The following KIRREL3 variants were observed in gnomAD, a reference collection of about 807,000 sequenced individuals.
KIRREL3 encodes the protein kirre like nephrin family adhesion molecule 3.
In KIRREL3, 36 loss-of-function variants were observed where a neutral mutation model predicts 89.7. The observed-to-expected ratio is 0.40, with a 90% CI of 0.31 to 0.53. KIRREL3 has a LOEUF of 0.53. Ranked by LOEUF, KIRREL3 falls within the 20% of genes least tolerant of loss-of-function variation. KIRREL3 has a pLI of 0.49. For synonymous variants in KIRREL3, 445 were observed against 441.4 expected, an observed-to-expected ratio of 1.01 and a Z score of -0.10; for missense variants, 864 against 1,056.6, an observed-to-expected ratio of 0.82 and a Z score of 2.53.
intron 1 of KIRREL3, among the ~76,000 whole-genome samples, chr11:126,591,675 C>T (rs1386210152): frequency 6.6e-6 from 1 of 152,160 alleles, no homozygotes; most frequent in Non-Finnish European, 1.5e-5. Flanking sequence ...TCCTGAAGGC[C>T]TGAACTGGGT....
At chr11:126,456,923 G>A (rs944715179) in intron 6 of KIRREL3, among the ~76,000 whole-genome samples, 1 of 152,186 alleles carries the variant, frequency 6.6e-6, no homozygotes, top group Non-Finnish European at 1.5e-5. Context: ...CCTTTCATCA[G>A]CCTAATCATC....
rs903869750 is a variant in KIRREL3 at position 126,501,822 on chromosome 11, T to C, written c.433+19493A>G. Among the ~76,000 whole-genome samples, 1 of 152,114 alleles carries C rather than the reference T, an allele frequency of 6.6e-6. No individual in the cohort carries two copies. Among genetic ancestry groups the C allele is most frequent in the Non-Finnish European group, 1.5e-5 (1 of 68,016 alleles). ...ACCCCCACCCACATTGTGAGCTCCC[T>C]GAAGGCAGGTCCATGTCTGGGGTGG... On this transcript the variant is annotated intron_variant, in intron 4 of 16. Transcript: ENST00000525144. The surrounding 1 kb of genome is among the most constrained non-coding windows in gnomAD (Gnocchi z 5.8).
chr11:126,547,867 G>A lies in KIRREL3; in HGVS notation c.133+14968C>T, dbSNP rs187042422. 1.6e-4 allele frequency among the ~76,000 whole-genome samples: 25 copies of A among 152,316 alleles called. 1 individual carries two copies. The East Asian group carries it at 4.2e-3, about 26-fold the overall frequency. On this transcript the variant is annotated intron_variant, in intron 2 of 16. Transcript: ENST00000525144. ...CCAGACACAAAGCTCCCGAGGCAGG[G>A]TGGAAGTAAGAAGGCCAGGCTTTGG...
chr11:126,506,377 T>A (rs12418395), intron 4 of KIRREL3, among the ~76,000 whole-genome samples: 56,311 of 152,068 alleles, frequency 0.37, 11,379 homozygotes, highest in African/African-American at 0.52. Context: ...ACTTGTATCC[T>A]GGCTATAAAG....
In KIRREL3 at chr11:126,647,235, T is replaced by C. The variant is rs1326841194; in HGVS notation, c.56-84323A>G. Among the ~76,000 whole-genome samples, 1 of 152,198 alleles carries C rather than the reference T, an allele frequency of 6.6e-6. No homozygotes were observed. Among genetic ancestry groups the C allele is most frequent in the East Asian group, 1.9e-4 (1 of 5,192 alleles). ...GCCAGGAGCTATAGAAAGAAAAATC[T>C]CCAAGCCCCAGTGCTTGTCTGCTGG... On this transcript the variant is annotated intron_variant, in intron 1 of 16. Transcript: ENST00000525144. The surrounding 1 kb of genome is among the most constrained non-coding windows in gnomAD (Gnocchi z 4.9).
chr11:126,793,969 T>C (rs1392043391), intron 1 of KIRREL3, among the ~76,000 whole-genome samples: 1 of 152,232 alleles, frequency 6.6e-6, no homozygotes. Context: ...GGTGCATTTC[T>C]AATGGTTGAA....
chr11:126,474,578 C>T lies in KIRREL3; in HGVS notation c.434-1112G>A, dbSNP rs1162424231. Among the ~76,000 whole-genome samples the T allele has an allele frequency of 1.3e-5, 2 of 152,244 alleles. No homozygotes were observed. The highest frequency in any genetic ancestry group is 2.4e-5 in the African/African-American group (1 of 41,466). Reference sequence around the variant, plus strand: ...TCCAGAGCGGCTCCAGCCCCTTCATCCCCAGAGGCAGCCTGATTCTCTCCT... The same window carrying T: ...TCCAGAGCGGCTCCAGCCCCTTCATTCCCAGAGGCAGCCTGATTCTCTCCT... On this transcript the variant is annotated intron_variant, in intron 4 of 16. Coordinates refer to ENST00000525144, the MANE Select transcript of KIRREL3 (RefSeq NM_032531.4). The surrounding 1 kb of genome is among the most constrained non-coding windows in gnomAD (Gnocchi z 6.7).
chr11:126,713,220 G>A (rs534115171), intron 1 of KIRREL3, among the ~76,000 whole-genome samples: 44 of 152,358 alleles, frequency 2.9e-4, no homozygotes, highest in African/African-American at 1.0e-3. Flanking sequence ...GGGATGTGCA[G>A]AAAGGGAGAA....
At position 126,814,374 on chromosome 11, in the gene KIRREL3, C is replaced by T. The variant is rs1951490819; in HGVS notation, c.55+186081G>A. Reference sequence around the variant, plus strand: ...GTTCAACCATTGTGGTCTCAAAGACCTACAGTCAGAAACACCATTTGACCC... The same window carrying T: ...GTTCAACCATTGTGGTCTCAAAGACTTACAGTCAGAAACACCATTTGACCC... On this transcript the variant is annotated intron_variant, in intron 1 of 16. Transcript: ENST00000525144. This position sits in a 1 kb window ranked among gnomAD's most constrained non-coding sequence, Gnocchi z 4.4. Among the ~76,000 whole-genome samples the T allele has an allele frequency of 1.3e-5, 2 of 152,092 alleles. No individual in the cohort carries two copies. Among genetic ancestry groups the T allele is most frequent in the Non-Finnish European group, 2.9e-5 (2 of 68,014 alleles).
At chr11:126,863,429 G>GTT (rs1944782570) in intron 1 of KIRREL3, among the ~76,000 whole-genome samples, 2 of 122,916 alleles carry the variant, frequency 1.6e-5, no homozygotes, top group East Asian at 2.6e-4. Context: ...GCGCATGTGT[G>GTT]TGAGTGCGTG....
chr11:126,431,197 A>G lies in KIRREL3; in HGVS notation c.1696+222T>C. On this transcript the variant is annotated intron_variant, in intron 14 of 16. Transcript: ENST00000525144. This position sits in a 1 kb window ranked among gnomAD's most constrained non-coding sequence, Gnocchi z 7.1. ...GCTGGCTGCCCTGCAGATGAAGTTC[A>G]GTCTAGTCCAGGTCAACCTCAGCCT... The G allele has an allele frequency of 1.4e-6, 2 of 1,470,634 alleles. No homozygotes were observed. Among genetic ancestry groups the G allele is most frequent in the Non-Finnish European group, 1.8e-6 (2 of 1,107,962 alleles). 91.1% of individuals were successfully genotyped at this position (1,470,634 alleles called of 1,614,324 possible).
intron 1 of KIRREL3, among the ~76,000 whole-genome samples, chr11:126,577,808 G>A (rs561207505): frequency 5.3e-5 from 8 of 151,850 alleles, no homozygotes; most frequent in East Asian, 1.9e-4. Context: ...TGGTCTAGAC[G>A]TCATCCTTAC....
chr11:126,654,545 A>C (rs1247406049), intron 1 of KIRREL3, among the ~76,000 whole-genome samples: 1 of 152,112 alleles, frequency 6.6e-6, no homozygotes, highest in Non-Finnish European at 1.5e-5. Context: ...GAGGAAGAGC[A>C]TGTGTAATGT....
At chr11:127,001,030 G>A (rs1950302651), upstream of KIRREL3, 1 of 180,626 alleles carries the variant, frequency 5.5e-6, no homozygotes, top group East Asian at 1.4e-4. Context: ...TTGACCAAAA[G>A]GCATCTTGAG....
At position 126,686,921 on chromosome 11, in the gene KIRREL3, A is replaced by C. The variant is rs555874137; in HGVS notation, c.56-124009T>G. ...AACATAAGAAGGAGTTATCCAGATG[A>C]TAAGAGGGGAAGGAAGGTCACATTG... On this transcript the variant is annotated intron_variant, in intron 1 of 16. Coordinates refer to ENST00000525144, the MANE Select transcript of KIRREL3 (RefSeq NM_032531.4). This position sits in a 1 kb window ranked among gnomAD's most constrained non-coding sequence, Gnocchi z 4.7. Among the ~76,000 whole-genome samples, 1 of 152,310 alleles carries C rather than the reference A, an allele frequency of 6.6e-6. No homozygotes were observed. The highest frequency in any genetic ancestry group is 2.1e-4 in the South Asian group (1 of 4,828).
In KIRREL3 at chr11:126,431,825, G is replaced by A. The variant is rs575701074; in HGVS notation, c.1589-299C>T. ...AGACACGGAGAAGGGAGGGCCAGGG[G>A]ACAGGAAGACCGGAGATGAGGGGTG... On this transcript the variant is annotated intron_variant, in intron 13 of 16. Transcript: ENST00000525144. The surrounding 1 kb of genome is among the most constrained non-coding windows in gnomAD (Gnocchi z 7.1). Among the ~76,000 whole-genome samples, 3 of 152,218 alleles carry A rather than the reference G, an allele frequency of 2.0e-5. No individual in the cohort carries two copies. The highest frequency in any genetic ancestry group is 1.5e-5 in the Non-Finnish European group (1 of 68,014).
chr11:126,542,601 G>C (rs557191139), intron 2 of KIRREL3, among the ~76,000 whole-genome samples: 78 of 152,302 alleles, frequency 5.1e-4, no homozygotes, highest in African/African-American at 1.3e-3. Flanking sequence ...TCTGGGACTG[G>C]CCCAAAGCTA....
intron 1 of KIRREL3, among the ~76,000 whole-genome samples, chr11:126,920,808 C>T (rs1335532706): frequency 1.3e-5 from 2 of 152,182 alleles, no homozygotes; most frequent in African/African-American, 2.4e-5. Context: ...TAGAAAACCC[C>T]GCGCCTAGGT....
intron 1 of KIRREL3, among the ~76,000 whole-genome samples, chr11:126,691,156 G>A (rs1946865608): frequency 6.6e-6 from 1 of 152,154 alleles, no homozygotes; most frequent in South Asian, 2.1e-4. Flanking sequence ...GGGTGTTGGA[G>A]GGAGTGTGGA....
Sources: gnomAD v4.1 joint callset for allele counts (sites outside exome capture counted in the v4.1 genomes callset) on GRCh38, gnomAD v4.1.1 for gene constraint, Gnocchi (gnomAD v3.1) non-coding constraint, MANE v1.5 for transcripts, NCBI Gene and HGNC (gene_info 2026-07-23, HGNC 2026-07-21) for gene names.